RXRA: variants seen among roughly 807,000 people sequenced by gnomAD.
The protein encoded by RXRA is retinoic acid receptor RXR-alpha.
A neutral mutation model predicts 44.5 loss-of-function variants in RXRA; 5 were observed. The ratio of observed to expected loss-of-function variants is 0.11; its 90% confidence interval spans 0.06 to 0.24. The LOEUF (loss-of-function observed/expected upper bound fraction) is 0.24. Ranked by LOEUF, RXRA falls within the 10% of genes least tolerant of loss-of-function variation. The pLI is 1.00. For synonymous variants in RXRA, 291 were observed against 271.4 expected (o/e 1.07, Z -0.71); for missense variants, 412 against 646.5 (o/e 0.64, Z 3.93).
intron 6 of RXRA, chr9:134,425,308 A>G (rs986217295): frequency 9.1e-6 from 9 of 985,078 alleles, no homozygotes; most frequent in African/African-American, 5.2e-5. Flanking sequence ...AAAGCATTAA[A>G]ATGAAGAGTT....
At chr9:134,416,410 A>G (rs901619126) in intron 4 of RXRA, among the ~76,000 whole-genome samples, 6 of 152,134 alleles carry the variant, frequency 3.9e-5, no homozygotes, top group Non-Finnish European at 5.9e-5. Flanking sequence ...CTATTTTGTC[A>G]TAATGCTCGG....
intron 1 of RXRA, chr9:134,374,049 C>G (rs1022118348): frequency 2.6e-5 from 4 of 152,258 alleles, no homozygotes; most frequent in African/African-American, 9.6e-5. Flanking sequence ...TGGGCAAGTG[C>G]TCTCTGAGTG....
intron 1 of RXRA, among the ~76,000 whole-genome samples, chr9:134,393,921 C>T (rs1296845642): frequency 6.6e-6 from 1 of 152,082 alleles, no homozygotes; most frequent in African/African-American, 2.4e-5. Context: ...TCAGCCTCGG[C>T]ACCACTTCCT....
Position 134,366,199 on chromosome 9 carries a change from A to G in RXRA, c.29-35433A>G, listed in dbSNP as rs1347998419. Among the ~76,000 whole-genome samples, 2 of 151,978 alleles carry G rather than the reference A, an allele frequency of 1.3e-5. No individual in the cohort carries two copies. The highest frequency in any genetic ancestry group is 3.9e-4 in the East Asian group (2 of 5,156). On this transcript the variant is annotated intron_variant, in intron 1 of 9. Transcript: ENST00000481739. The surrounding 1 kb of genome is among the most constrained non-coding windows in gnomAD (Gnocchi z 5.9). Reference sequence around the variant, plus strand: ...AGAGCCTCTGGTGGCTCCGTGTGGCATGTTCTGGGCTGTGTGTGGGGCCAG... The same window carrying G: ...AGAGCCTCTGGTGGCTCCGTGTGGCGTGTTCTGGGCTGTGTGTGGGGCCAG...
chr9:134,350,008 T>A (rs1354609549), intron 1 of RXRA, among the ~76,000 whole-genome samples: 3 of 151,452 alleles, frequency 2.0e-5, no homozygotes, highest in Non-Finnish European at 4.4e-5. Flanking sequence ...GATTCATGCC[T>A]CTTTCCAGAG....
rs950863981 is a variant in RXRA at position 134,366,155 on chromosome 9, G to T, written c.29-35477G>T. On this transcript the variant is annotated intron_variant, in intron 1 of 9. Transcript: ENST00000481739. This position sits in a 1 kb window ranked among gnomAD's most constrained non-coding sequence, Gnocchi z 5.9. The stretch of plus-strand genomic sequence containing the variant: ...AGAAGCCAAGGCTCAGAGGCACCAG[G>T]GCCCCAGTGGGAGGCGGCAGAGCCT... 6.6e-6 allele frequency among the ~76,000 whole-genome samples: 1 copy of T among 152,134 alleles called. No homozygotes were observed. The highest frequency in any genetic ancestry group is 6.5e-5 in the Admixed American group (1 of 15,288).
At chr9:134,374,172 A>T (rs1830523663) in intron 1 of RXRA, 1 of 152,216 alleles carries the variant, frequency 6.6e-6, no homozygotes, top group African/African-American at 2.4e-5. Context: ...GACGTTTAGA[A>T]CCAGCGAGGT....
At chr9:134,375,274 G>A (rs1201687607) in intron 1 of RXRA, among the ~76,000 whole-genome samples, 2 of 152,136 alleles carry the variant, frequency 1.3e-5, no homozygotes, top group Non-Finnish European at 2.9e-5. Flanking sequence ...GGGCCAGAGC[G>A]CGTGTCACTG....
chr9:134,359,667 T>C (rs1225650841), intron 1 of RXRA, among the ~76,000 whole-genome samples: 1 of 146,426 alleles, frequency 6.8e-6, no homozygotes, highest in Non-Finnish European at 1.5e-5. Flanking sequence ...CTCCCTCTGC[T>C]GGATAAATAG....
At chr9:134,338,434 G>T (rs782610757) in intron 1 of RXRA, among the ~76,000 whole-genome samples, 2 of 152,266 alleles carry the variant, frequency 1.3e-5, no homozygotes, top group African/African-American at 2.4e-5. Flanking sequence ...AGCCCAAGTG[G>T]CACCTGGGTC....
chr9:134,388,508 C>G (rs2119116775), intron 1 of RXRA, among the ~76,000 whole-genome samples: 1 of 152,286 alleles, frequency 6.6e-6, no homozygotes, highest in South Asian at 2.1e-4. Flanking sequence ...TCCCCATGGC[C>G]TCCTGGTGAC....
chr9:134,350,311 C>T (rs933845226), intron 1 of RXRA, among the ~76,000 whole-genome samples: 3 of 152,174 alleles, frequency 2.0e-5, no homozygotes, highest in East Asian at 1.9e-4. Context: ...CTCTGGCCCC[C>T]GCCTCGCCAG....
At chr9:134,420,921 C>T (rs1332080183) in intron 5 of RXRA, among the ~76,000 whole-genome samples, 1 of 152,216 alleles carries the variant, frequency 6.6e-6, no homozygotes, top group Non-Finnish European at 1.5e-5. Context: ...TCTCTCTGTG[C>T]CTGGGGCCTG....
At chr9:134,360,860 G>C (rs1452920374) in intron 1 of RXRA, among the ~76,000 whole-genome samples, 1 of 152,346 alleles carries the variant, frequency 6.6e-6, no homozygotes, top group East Asian at 1.9e-4. Context: ...GAAGCCTGCT[G>C]GGGGGATGCT....
At chr9:134,337,994 G>C (rs782533199) in intron 1 of RXRA, among the ~76,000 whole-genome samples, 2 of 152,238 alleles carry the variant, frequency 1.3e-5, no homozygotes, top group Non-Finnish European at 2.9e-5. Context: ...TCTGTCCAGA[G>C]CCGCTCTGAG....
chr9:134,428,381 C>T (rs1290393457), intron 6 of RXRA, among the ~76,000 whole-genome samples: 3 of 144,570 alleles, frequency 2.1e-5, no homozygotes. Context: ...CAGGGAACCC[C>T]CACTATGTTG....
intron 1 of RXRA, chr9:134,379,883 C>T: frequency 1.0e-6 from 1 of 985,326 alleles, no homozygotes; most frequent in African/African-American, 1.7e-5. Context: ...CTCCAGCCCC[C>T]TCTCCAGTAT....
At chr9:134,347,728 G>A (rs1209408117) in intron 1 of RXRA, among the ~76,000 whole-genome samples, 3 of 152,206 alleles carry the variant, frequency 2.0e-5, no homozygotes, top group African/African-American at 4.8e-5. Context: ...CCAGGGGAAC[G>A]GTGTGTGCAA....
intron 6 of RXRA, chr9:134,425,532 G>T (rs1831417553): frequency 2.2e-6 from 2 of 928,998 alleles, no homozygotes; most frequent in African/African-American, 3.7e-5. Flanking sequence ...GGCACCTCCT[G>T]CGTGGCGGCA....
Sources: allele counts gnomAD v4.1 joint callset (sites outside exome capture counted in the v4.1 genomes callset), GRCh38; gene constraint gnomAD v4.1.1; non-coding constraint Gnocchi (gnomAD v3.1); transcripts MANE v1.5; gene names NCBI Gene and HGNC (gene_info 2026-07-23, HGNC 2026-07-21).